STX2: variants seen among roughly 807,000 people sequenced by gnomAD.
The protein encoded by STX2 is syntaxin-2.
In STX2, 27 loss-of-function variants were observed where a neutral mutation model predicts 40.6. The observed-to-expected ratio is 0.66, with a 90% CI of 0.49 to 0.92. The LOEUF (loss-of-function observed/expected upper bound fraction) is 0.92, where lower values mean the gene tolerates loss of function less well. Ranked by LOEUF, STX2 falls within the 40% of genes least tolerant of loss-of-function variation. The pLI is 0.00. For synonymous variants in STX2, 123 were observed against 119.1 expected, an observed-to-expected ratio of 1.03 and a Z score of -0.22; for missense variants, 328 against 366.1, an observed-to-expected ratio of 0.90 and a Z score of 0.85.
In STX2 at chr12:130,813,032, C is replaced by G; in HGVS notation, c.206-1G>C. On this transcript the variant is annotated splice_acceptor_variant, in intron 3 of 10. Transcript: ENST00000392373. LOFTEE classifies it high-confidence loss of function. ...AGATCTTCAAGCTCTTCTTTTATTT[C>G]TATAAAAATTTAAAATTAAAAAATA... 2 of 1,490,990 alleles carry G rather than the reference C, an allele frequency of 1.3e-6. No individual in the cohort carries two copies. The highest frequency in any genetic ancestry group is 1.8e-6 in the Non-Finnish European group (2 of 1,117,858). The allele number at this position is 1,490,990 out of a possible 1,614,324, so 92.4% of individuals were successfully genotyped here.
At chr12:130,817,621 G>C (rs1593162193) in intron 3 of STX2, among the ~76,000 whole-genome samples, 1 of 150,922 alleles carries the variant, frequency 6.6e-6, no homozygotes, top group South Asian at 2.1e-4. Flanking sequence ...TAAGAAGAGG[G>C]AAAAAGAAAA....
intron 9 of STX2, 167 bp downstream of exon 9, chr12:130,798,358 T>C: frequency 2.1e-6 from 1 of 471,176 alleles, no homozygotes; most frequent in Non-Finnish European, 3.6e-6. Context: ...ATTCATCTAA[T>C]AAACCTTTTA....
chr12:130,835,647 C>G (rs923130285), intron 1 of STX2, among the ~76,000 whole-genome samples: 1 of 152,086 alleles, frequency 6.6e-6, no homozygotes, highest in Non-Finnish European at 1.5e-5. Context: ...TGCATGCATC[C>G]CCACCCACGC....
At chr12:130,832,851 T>TG (rs1405036390) in intron 1 of STX2, among the ~76,000 whole-genome samples, 1 of 152,158 alleles carries the variant, frequency 6.6e-6, no homozygotes, top group Non-Finnish European at 1.5e-5. Context: ...CCTCTGGACT[T>TG]GCTGTGCCTT....
intron 1 of STX2, among the ~76,000 whole-genome samples, chr12:130,836,374 A>G (rs1416197136): frequency 6.6e-6 from 1 of 152,078 alleles, no homozygotes; most frequent in Non-Finnish European, 1.5e-5. Flanking sequence ...GGACTCAAGC[A>G]ATCTTCCCAC....
chr12:130,791,900 C>T lies in STX2; in HGVS notation c.*123G>A. 6.2e-7 allele frequency: 1 copy of T among 1,611,064 alleles called. No individual in the cohort carries two copies. Among genetic ancestry groups the T allele is most frequent in the Non-Finnish European group, 8.5e-7 (1 of 1,177,952 alleles). On this transcript the variant is annotated 3_prime_UTR_variant, in exon 11 of 11. Transcript: ENST00000392373. ...ATAAATGGCTCTTGGGATATGGTTG[C>T]TAGGACAATGTTGTTGCTAGGATAA...
At chr12:130,801,078 T>G in intron 8 of STX2, 75 bp downstream of exon 8, 1 of 1,501,784 alleles carries the variant, frequency 6.7e-7, no homozygotes, top group Non-Finnish European at 9.0e-7. Flanking sequence ...ATACATCCAC[T>G]AGACAGAGTG....
At chr12:130,793,837 A>G (rs1474773084) in intron 10 of STX2, among the ~76,000 whole-genome samples, 1 of 152,260 alleles carries the variant, frequency 6.6e-6, no homozygotes, top group Non-Finnish European at 1.5e-5. Context: ...ATATTTTAAA[A>G]GTGAAGTTAA....
chr12:130,819,846 C>CG (rs1952045539), intron 3 of STX2, among the ~76,000 whole-genome samples: 1 of 151,838 alleles, frequency 6.6e-6, no homozygotes, highest in African/African-American at 2.4e-5. Context: ...CGAAGAGGTC[C>CG]CCGGAAAGAT....
chr12:130,802,702 G>A (rs1021153527), intron 6 of STX2, among the ~76,000 whole-genome samples: 7 of 151,912 alleles, frequency 4.6e-5, no homozygotes, highest in African/African-American at 1.7e-4. Flanking sequence ...TTGCTATGTT[G>A]TCAAGCTGGT....
intron 3 of STX2, among the ~76,000 whole-genome samples, chr12:130,819,325 TC>T (rs1952023651): frequency 1.5e-5 from 1 of 68,262 alleles, no homozygotes; most frequent in African/African-American, 5.5e-5. Context: ...CCTCCCACCC[TC>T]CCCTCTTCCT....
chr12:130,801,804 G>A (rs1040923525), intron 6 of STX2, among the ~76,000 whole-genome samples: 1 of 152,138 alleles, frequency 6.6e-6, no homozygotes, highest in African/African-American at 2.4e-5. Context: ...GTTTAACTCC[G>A]CCTCATGTAA....
intron 10 of STX2, among the ~76,000 whole-genome samples, chr12:130,794,309 T>C (rs373756175): frequency 2.0e-5 from 3 of 151,088 alleles, no homozygotes; most frequent in Admixed American, 6.5e-5. Context: ...ACATCCTGCC[T>C]AATAAAAATA....
intron 1 of STX2, among the ~76,000 whole-genome samples, chr12:130,837,276 G>GT (rs940606121): frequency 1.3e-5 from 2 of 151,842 alleles, no homozygotes; most frequent in African/African-American, 2.4e-5. Context: ...CACCTGGATA[G>GT]TTTTTTTGTG....
At chr12:130,837,818 A>C (rs920565372) in intron 1 of STX2, among the ~76,000 whole-genome samples, 4 of 152,214 alleles carry the variant, frequency 2.6e-5, no homozygotes, top group African/African-American at 9.6e-5. Flanking sequence ...GTTTAAGATG[A>C]TATTGATCTG....
rs1037204298 is a variant in STX2 at position 130,791,738 on chromosome 12, C to G, written c.*285G>C. On this transcript the variant is annotated 3_prime_UTR_variant, in exon 11 of 11. Coordinates refer to ENST00000392373, the MANE Select transcript of STX2 (RefSeq NM_194356.4). ...CTGTGCTTACGGCGCTGTCACTGAACAAGACGTTCGGTTGTGCTTCTTCCG... is the reference window on the plus strand; with the variant it reads ...CTGTGCTTACGGCGCTGTCACTGAAGAAGACGTTCGGTTGTGCTTCTTCCG... The G allele has an allele frequency of 2.2e-5, 14 of 626,814 alleles. No homozygotes were observed. The highest frequency in any genetic ancestry group is 3.4e-5 in the Non-Finnish European group (12 of 356,286). The allele number at this position is 626,814 out of a possible 1,614,324, so 38.8% of individuals were successfully genotyped here. A position where few individuals can be genotyped will look rare whatever the true frequency, so the allele number is the denominator to read the frequency against.
chr12:130,791,799 G>A lies in STX2; in HGVS notation c.*224C>T, dbSNP rs192161439. The A allele has an allele frequency of 1.1e-4, 120 of 1,053,288 alleles. 1 individual carries two copies. In the African/African-American group the frequency reaches 1.6e-3, roughly 14 times the overall value. 65.2% of individuals were successfully genotyped at this position (1,053,288 alleles called of 1,614,324 possible). The stretch of plus-strand genomic sequence containing the variant: ...CATTACAAGGTCAGCACTCGATGCC[G>A]GGTTACAGCGTCTGAGATTCATTCA... On this transcript the variant is annotated 3_prime_UTR_variant, in exon 11 of 11. Coordinates refer to ENST00000392373, the MANE Select transcript of STX2 (RefSeq NM_194356.4).
At chr12:130,835,229 C>T (rs1342194644) in intron 1 of STX2, among the ~76,000 whole-genome samples, 1 of 152,056 alleles carries the variant, frequency 6.6e-6, no homozygotes, top group African/African-American at 2.4e-5. Context: ...GTCAAGGGTG[C>T]AATGAGTAAT....
At chr12:130,830,764 G>A (rs1242002291) in intron 1 of STX2, among the ~76,000 whole-genome samples, 5 of 152,150 alleles carry the variant, frequency 3.3e-5, no homozygotes, top group South Asian at 4.1e-4. Context: ...TTCAATGAAT[G>A]TCCATGTTCA....
Sources: allele counts gnomAD v4.1 joint callset (sites outside exome capture counted in the v4.1 genomes callset), GRCh38; gene constraint gnomAD v4.1.1; transcripts MANE v1.5; gene names NCBI Gene and HGNC (gene_info 2026-07-23, HGNC 2026-07-21).